RBFOX1: variants seen among roughly 807,000 people sequenced by gnomAD.
The protein encoded by RBFOX1 is RNA binding fox-1 homolog 1.
Under a neutral mutation model 57.7 loss-of-function variants are expected in RBFOX1, and 8 were observed. The observed-to-expected ratio is 0.14, with a 90% CI of 0.08 to 0.25. The LOEUF (loss-of-function observed/expected upper bound fraction) is 0.25. Among genes scored for constraint, RBFOX1 ranks in the 10% least tolerant of loss-of-function variants. The pLI, the probability that RBFOX1 is intolerant of heterozygous loss-of-function variation, is 1.00. For synonymous variants in RBFOX1, 326 were observed against 222.4 expected (o/e 1.47, Z -4.15); for missense variants, 611 against 548.5 (o/e 1.11, Z -1.14).
chr16:6,928,427 T>G (rs192968863), intron 3 of RBFOX1, among the ~76,000 whole-genome samples: 34 of 152,152 alleles, frequency 2.2e-4, no homozygotes, highest in Admixed American at 2.0e-3. Context: ...AATGAAGGGG[T>G]GAGCTGGCAG....
At chr16:7,710,233 G>A (rs1335600393) in intron 15 of RBFOX1, 1 of 1,057,232 alleles carries the variant, frequency 9.5e-7, no homozygotes, top group African/African-American at 1.7e-5. Flanking sequence ...CAACAACTCT[G>A]CTTCAACACC....
intron 3 of RBFOX1, among the ~76,000 whole-genome samples, chr16:5,807,214 G>A (rs1299197959): frequency 1.3e-5 from 2 of 152,112 alleles, no homozygotes; most frequent in Non-Finnish European, 2.9e-5. Context: ...TATTGTCCTG[G>A]GCAGTAAGAT....
intron 4 of RBFOX1, among the ~76,000 whole-genome samples, chr16:5,892,435 AC>A (rs1436653093): frequency 1.3e-5 from 2 of 152,064 alleles, no homozygotes; most frequent in African/African-American, 4.8e-5. Context: ...TCATCTCTAG[AC>A]TAGGGGTAAT....
chr16:7,176,204 G>A (rs1332651576), intron 4 of RBFOX1, among the ~76,000 whole-genome samples: 1 of 108,290 alleles, frequency 9.2e-6, no homozygotes, highest in Non-Finnish European at 1.8e-5. Flanking sequence ...TAATGAAACT[G>A]TAAAATGAGA....
chr16:7,594,111 G>A (rs1040940244), intron 7 of RBFOX1, among the ~76,000 whole-genome samples: 2 of 151,950 alleles, frequency 1.3e-5, no homozygotes, highest in Admixed American at 6.6e-5. Context: ...TTCTCCTAAC[G>A]CTATCCCTCC....
intron 2 of RBFOX1, among the ~76,000 whole-genome samples, chr16:5,585,751 G>A (rs1445908346): frequency 6.6e-6 from 1 of 152,114 alleles, no homozygotes; most frequent in East Asian, 1.9e-4. Flanking sequence ...CCATCTAACT[G>A]TATGTGGCCA....
chr16:7,345,092 T>G (rs1220346197), intron 4 of RBFOX1, among the ~76,000 whole-genome samples: 1 of 152,186 alleles, frequency 6.6e-6, no homozygotes, highest in African/African-American at 2.4e-5. Context: ...TTTCAAGACC[T>G]TTATTTTTGG....
intron 2 of RBFOX1, among the ~76,000 whole-genome samples, chr16:6,450,301 G>C (rs943130231): frequency 6.6e-6 from 1 of 152,146 alleles, no homozygotes; most frequent in Non-Finnish European, 1.5e-5. Flanking sequence ...CCGATAAAGA[G>C]AGTGGGTTAG....
chr16:6,704,700 T>G (rs1048542953), intron 3 of RBFOX1: 11 of 152,308 alleles, frequency 7.2e-5, no homozygotes, highest in Middle Eastern at 3.0e-3. Context: ...ATATATTATT[T>G]TGGAACATTC....
At chr16:7,348,185 A>G (rs916988879) in intron 4 of RBFOX1, among the ~76,000 whole-genome samples, 3 of 152,256 alleles carry the variant, frequency 2.0e-5, no homozygotes, top group African/African-American at 4.8e-5. Context: ...ATACAGAGAT[A>G]TATGCATATA....
At chr16:5,727,956 G>T (rs569557697) in intron 3 of RBFOX1, among the ~76,000 whole-genome samples, 1 of 152,182 alleles carries the variant, frequency 6.6e-6, no homozygotes, top group East Asian at 1.9e-4. Context: ...CAAAGTTCTG[G>T]GATTACAGGA....
intron 4 of RBFOX1, among the ~76,000 whole-genome samples, chr16:7,218,499 A>C (rs1437920334): frequency 6.6e-6 from 1 of 152,184 alleles, no homozygotes; most frequent in African/African-American, 2.4e-5. Context: ...AGAAAATAGC[A>C]AAACAGTAAC....
At chr16:5,808,362 A>G (rs996433913) in intron 3 of RBFOX1, among the ~76,000 whole-genome samples, 2 of 152,160 alleles carry the variant, frequency 1.3e-5, no homozygotes, top group African/African-American at 4.8e-5. Flanking sequence ...TGATGCCTCC[A>G]GCTATGTTCT....
intron 2 of RBFOX1, among the ~76,000 whole-genome samples, chr16:6,419,383 T>G (rs2093712937): frequency 6.6e-6 from 1 of 152,184 alleles, no homozygotes; most frequent in Non-Finnish European, 1.5e-5. Context: ...ATGGCTTGGT[T>G]TGTTCATTCT....
At chr16:6,170,284 G>C (rs1316725592) in intron 1 of RBFOX1, among the ~76,000 whole-genome samples, 1 of 152,052 alleles carries the variant, frequency 6.6e-6, no homozygotes, top group East Asian at 1.9e-4. Flanking sequence ...TTTCTTACCC[G>C]CTGGGTTCCA....
intron 2 of RBFOX1, among the ~76,000 whole-genome samples, chr16:6,339,169 G>C (rs1368027399): frequency 6.6e-6 from 1 of 152,214 alleles, no homozygotes; most frequent in Non-Finnish European, 1.5e-5. Context: ...CTGTGCTGCT[G>C]AGGAAGGCCA....
chr16:5,948,807 G>A (rs1285032001), intron 4 of RBFOX1, among the ~76,000 whole-genome samples: 1 of 152,150 alleles, frequency 6.6e-6, no homozygotes, highest in Non-Finnish European at 1.5e-5. Flanking sequence ...TGCTTAGATT[G>A]TGTTACTTTC....
chr16:7,266,620 G>A (rs1158155261), intron 4 of RBFOX1, among the ~76,000 whole-genome samples: 6 of 152,070 alleles, frequency 3.9e-5, no homozygotes, highest in African/African-American at 1.2e-4. Flanking sequence ...TAGGGCTTCC[G>A]CATATGAATT....
chr16:5,901,486 T>A (rs909513618), intron 4 of RBFOX1, among the ~76,000 whole-genome samples: 5 of 152,164 alleles, frequency 3.3e-5, no homozygotes, highest in African/African-American at 1.2e-4. Flanking sequence ...GCCTATAATT[T>A]CCCTTCACAC....
Sources: gnomAD v4.1 joint callset for allele counts (sites outside exome capture counted in the v4.1 genomes callset) on GRCh38, gnomAD v4.1.1 for gene constraint, MANE v1.5 for transcripts, NCBI Gene and HGNC (gene_info 2026-07-23, HGNC 2026-07-21) for gene names.